The following TULP4 variants were observed in gnomAD, a reference collection of about 807,000 sequenced individuals.
TULP4 encodes tubby-related protein 4.
A neutral mutation model predicts 129.0 loss-of-function variants in TULP4; 16 were observed. That is an observed-to-expected ratio of 0.12 (90% CI 0.08 to 0.19). The LOEUF (loss-of-function observed/expected upper bound fraction) is 0.19, where lower values mean the gene tolerates loss of function less well. Among genes scored for constraint, TULP4 ranks in the 10% least tolerant of loss-of-function variants. TULP4 has a pLI of 1.00. For missense variants in TULP4, 1,842 were observed against 2,059.1 expected (o/e 0.89, Z 2.04); for synonymous variants, 998 against 854.0 (o/e 1.17, Z -2.94).
chr6:158,461,794 T>C, intron 6 of TULP4, 65 bp downstream of exon 6: 2 of 1,503,560 alleles, frequency 1.3e-6, no homozygotes, highest in South Asian at 1.3e-5. Context: ...TTATTATAAT[T>C]ATTGTTGACA....
intron 1 of TULP4, among the ~76,000 whole-genome samples, chr6:158,391,737 T>C (rs1287691788): frequency 3.9e-5 from 6 of 152,226 alleles, no homozygotes; most frequent in Non-Finnish European, 4.4e-5. Context: ...AGTTTTATCA[T>C]GTCTTTGCTA....
chr6:158,348,173 G>GTTTGTTTTTTTTTTTT (rs1780359871), intron 1 of TULP4, among the ~76,000 whole-genome samples: 1 of 112,170 alleles, frequency 8.9e-6, no homozygotes, highest in African/African-American at 3.8e-5. Context: ...TTTTTTTAAG[G>GTTTGTTTTTTTTTTTT]TTTTTTTTTT....
At chr6:158,449,585 C>T (rs758077633) in intron 4 of TULP4, among the ~76,000 whole-genome samples, 15 of 152,128 alleles carry the variant, frequency 9.9e-5, no homozygotes, top group Non-Finnish European at 1.8e-4. Flanking sequence ...TATTAAAGCC[C>T]GCGGCTTTAG....
intron 1 of TULP4, among the ~76,000 whole-genome samples, chr6:158,274,992 C>T (rs1778618323): frequency 6.6e-6 from 1 of 152,124 alleles, no homozygotes; most frequent in African/African-American, 2.4e-5. Flanking sequence ...AATGTAAGCT[C>T]CCTGAAGGCT....
At chr6:158,343,487 G>A (rs1267871579) in intron 1 of TULP4, among the ~76,000 whole-genome samples, 1 of 152,140 alleles carries the variant, frequency 6.6e-6, no homozygotes, top group African/African-American at 2.4e-5. Context: ...GAGGCTTTGG[G>A]AAGTGATTTG....
At chr6:158,333,490 A>G (rs369581418) in intron 1 of TULP4, among the ~76,000 whole-genome samples, 2 of 152,196 alleles carry the variant, frequency 1.3e-5, no homozygotes, top group Non-Finnish European at 2.9e-5. Context: ...TACCCAGTCT[A>G]TGGTATTTGA....
chr6:158,413,052 G>T lies in TULP4; in HGVS notation c.253-13G>T, dbSNP rs776953948. On this transcript the variant is annotated splice_polypyrimidine_tract_variant and intron_variant, in intron 1 of 13. Transcript: ENST00000367097. This position sits in a 1 kb window ranked among gnomAD's most constrained non-coding sequence, Gnocchi z 4.9. ...TATTTCCTGTGGTAAATGTCTTCTTGGTGGTTTTCTAGGTTGTGCTGGTGA... is the reference window on the plus strand; with the variant it reads ...TATTTCCTGTGGTAAATGTCTTCTTTGTGGTTTTCTAGGTTGTGCTGGTGA... 6.2e-7 allele frequency: 1 copy of T among 1,602,436 alleles called. No homozygotes were observed.
chr6:158,247,659 T>C (rs936173987), intron 1 of TULP4, among the ~76,000 whole-genome samples: 10 of 152,248 alleles, frequency 6.6e-5, no homozygotes, highest in African/African-American at 2.4e-4. Flanking sequence ...GAGTTTTGTG[T>C]AGGAAGCTCT....
chr6:158,440,924 C>T (rs969560695), intron 3 of TULP4, among the ~76,000 whole-genome samples: 1 of 152,160 alleles, frequency 6.6e-6, no homozygotes, highest in Non-Finnish European at 1.5e-5. Context: ...GAAATTAAAT[C>T]GCCCTTTGTT....
intron 8 of TULP4, among the ~76,000 whole-genome samples, chr6:158,486,470 G>C (rs1490808622): frequency 6.6e-6 from 1 of 151,864 alleles, no homozygotes; most frequent in Non-Finnish European, 1.5e-5. Context: ...GGAGAATGGC[G>C]TGAACCTGGG....
chr6:158,502,608 T>C lies in TULP4; in HGVS notation c.2945T>C (p.Leu982Pro), dbSNP rs1780482794. 5.0e-6 allele frequency: 8 copies of C among 1,599,884 alleles called. No homozygotes were observed. The highest frequency in any genetic ancestry group is 6.8e-6 in the Non-Finnish European group (8 of 1,179,324). ...RGAAQRSDNS[L>P]IHATLRRNNR... ...GCTGCCCAGAGGTCCGACAATAGCCTCATCCACGCTACCCTGCGGAGGAAC... is the reference window on the plus strand; with the variant it reads ...GCTGCCCAGAGGTCCGACAATAGCCCCATCCACGCTACCCTGCGGAGGAAC... The change falls in exon 13 of 14, where the codon CTC becomes CCC. Residue 982 changes from leucine to proline, a missense_variant. Physicochemically the swap from Leu to Pro is moderately conservative, Grantham distance 98 (BLOSUM62 -3). Coordinates refer to ENST00000367097, the MANE Select transcript of TULP4 (RefSeq NM_020245.5).
At chr6:158,489,893 T>A (rs1361518129) in intron 9 of TULP4, among the ~76,000 whole-genome samples, 161 bp downstream of exon 9, 2 of 152,240 alleles carry the variant, frequency 1.3e-5, no homozygotes, top group Non-Finnish European at 2.9e-5. Context: ...AACTTCTATT[T>A]GTTTTGTTTT....
intron 1 of TULP4, among the ~76,000 whole-genome samples, chr6:158,385,494 C>T (rs2114927841): frequency 6.6e-6 from 1 of 152,188 alleles, no homozygotes; most frequent in East Asian, 1.9e-4. Context: ...AATGCGTCAC[C>T]TTTGTCAGGC....
At chr6:158,465,209 A>G (rs1485069661) in intron 6 of TULP4, among the ~76,000 whole-genome samples, 2 of 152,334 alleles carry the variant, frequency 1.3e-5, no homozygotes, top group Non-Finnish European at 2.9e-5. Context: ...CAGCAGGCCC[A>G]TTCCGTAGGT....
chr6:158,479,752 G>T lies in TULP4; in HGVS notation c.1028G>T (p.Arg343Leu), dbSNP rs377084462. 8.7e-6 allele frequency: 14 copies of T among 1,612,252 alleles called. No individual in the cohort carries two copies. The Admixed American group carries it at 2.2e-4, about 25-fold the overall frequency. ...TGTCTTCCCTTCACTTCCTGCCAGC[G>T]CCCCATCATCTCCATCTGCTGGGGT... ...HIFTLDTLVQ[R>L]PIISICWGHR... Residue 343 changes from arginine to leucine, a missense_variant and splice_region_variant, in exon 7 of 14, where the codon CGC (arginine) becomes CTC (leucine). Physicochemically the swap from Arg to Leu is moderately radical, Grantham distance 102 (BLOSUM62 -2). Around this residue, in one of 5 missense-constraint regions of TULP4, gnomAD observed 456 missense variants for 534.3 expected, o/e 0.85. Transcript: ENST00000367097.
At chr6:158,489,479 A>T in intron 8 of TULP4, 109 bp from the exon 9 acceptor site, 1 of 1,378,220 alleles carries the variant, frequency 7.3e-7, no homozygotes, top group Non-Finnish European at 1.0e-6. Context: ...CTCTAGGTCT[A>T]AAATGATGGC....
At chr6:158,405,269 A>G (rs1777952222) in intron 1 of TULP4, among the ~76,000 whole-genome samples, 1 of 152,270 alleles carries the variant, frequency 6.6e-6, no homozygotes, top group South Asian at 2.1e-4. Flanking sequence ...AATCATTTAT[A>G]ACACACCTGT....
rs201898747 is a variant in TULP4, at chr6:158,502,921, G to A, written c.3258G>A (p.Ser1086=). The change falls in exon 13 of 14, where the codon TCG becomes TCA. Residue 1086 remains serine (S), a synonymous_variant. Transcript: ENST00000367097. ...GCGACCGCACCGACTACGTCAACTCGGCCTTCACGGAGGACGAGGCCCTGT... is the reference window on the plus strand; with the variant it reads ...GCGACCGCACCGACTACGTCAACTCAGCCTTCACGGAGGACGAGGCCCTGT... The part of the protein sequence containing the change: ...SARDRTDYVN[S]AFTEDEALSQ... The A allele has an allele frequency of 3.5e-4, 571 of 1,614,004 alleles. 2 individuals carry two copies. The South Asian group carries it at 4.2e-3, about 12-fold the overall frequency.
intron 3 of TULP4, 67 bp from the exon 4 acceptor site, chr6:158,448,929 G>T (rs1184095148): frequency 2.0e-6 from 3 of 1,501,140 alleles, no homozygotes. Context: ...ACAAATCGAG[G>T]CAACAAGGTG....
Sources: allele counts gnomAD v4.1 joint callset (sites outside exome capture counted in the v4.1 genomes callset), GRCh38; gene constraint gnomAD v4.1.1; regional missense constraint gnomAD v4.1.1; non-coding constraint Gnocchi (gnomAD v3.1); transcripts MANE v1.5; gene names NCBI Gene and HGNC (gene_info 2026-07-23, HGNC 2026-07-21).